Variants in SETBP1 observed in about 807,000 individuals in gnomAD.
SETBP1 encodes SET binding protein 1.
A neutral mutation model predicts 101.0 loss-of-function variants in SETBP1; 9 were observed. The observed-to-expected ratio is 0.09, with a 90% CI of 0.05 to 0.16. SETBP1 has a LOEUF of 0.16. SETBP1 is among the 10% of genes least tolerant of loss of function. The pLI, the probability that SETBP1 is intolerant of heterozygous loss-of-function variation, is 1.00. For missense variants in SETBP1, 1,858 were observed against 2,033.8 expected, an observed-to-expected ratio of 0.91 and a Z score of 1.66; for synonymous variants, 818 against 788.5, an observed-to-expected ratio of 1.04 and a Z score of -0.63.
intron 3 of SETBP1, among the ~76,000 whole-genome samples, chr18:44,948,621 TTC>T (rs1486698828): frequency 6.6e-6 from 1 of 152,220 alleles, no homozygotes; most frequent in Non-Finnish European, 1.5e-5. Flanking sequence ...TACTAATATT[TTC>T]TCTGTTTAAC....
intron 3 of SETBP1, among the ~76,000 whole-genome samples, chr18:44,925,087 C>A (rs1456953153): frequency 1.5e-5 from 2 of 129,180 alleles, no homozygotes; most frequent in Admixed American, 8.6e-5. Context: ...GGGAAAGTTG[C>A]TACAGTTCTG....
chr18:44,864,762 C>T (rs1487319731), intron 2 of SETBP1, among the ~76,000 whole-genome samples: 1 of 152,116 alleles, frequency 6.6e-6, no homozygotes, highest in Non-Finnish European at 1.5e-5. Flanking sequence ...AGACAGGATC[C>T]TTTTCATTAA....
Position 44,951,175 on chromosome 18 carries a change from C to T in SETBP1, c.1835C>T (p.Pro612Leu), listed in dbSNP as rs1481618400. Residue 612 changes from proline (P) to leucine (L), a missense_variant, in exon 4 of 6, where the codon CCC becomes CTC. By Grantham distance (98) the Pro-to-Leu change is moderately conservative. Transcript: ENST00000649279. The surrounding 1 kb of genome is among the most constrained non-coding windows in gnomAD (Gnocchi z 7.8). ...GGAACTTCCACCAGCCCCGTCAGTC[C>T]CATCAGCCGAGAGTTTCCTGGCACT... is the stretch of plus-strand genomic sequence containing the variant. ...HEGTSTSPVS[P>L]ISREFPGTKK... The T allele has an allele frequency of 1.9e-6, 3 of 1,614,006 alleles. No individual in the cohort carries two copies. Among genetic ancestry groups the T allele is most frequent in the East Asian group, 4.5e-5 (2 of 44,890 alleles).
chr18:45,008,391 G>C (rs1568024926), intron 4 of SETBP1, among the ~76,000 whole-genome samples: 1 of 152,184 alleles, frequency 6.6e-6, no homozygotes, highest in Non-Finnish European at 1.5e-5. Context: ...CCTGAGATTT[G>C]TGTCTCTTCT....
chr18:44,787,885 A>AAAAAAAAAAAT (rs2071277906), intron 2 of SETBP1, among the ~76,000 whole-genome samples: 1 of 133,588 alleles, frequency 7.5e-6, no homozygotes, highest in Non-Finnish European at 1.6e-5. Flanking sequence ...AAAAAAGAAA[A>AAAAAAAAAAAT]TTGTTCTCTA....
intron 5 of SETBP1, among the ~76,000 whole-genome samples, chr18:45,039,946 G>T (rs2073476375): frequency 6.6e-6 from 1 of 152,194 alleles, no homozygotes. Context: ...GGAAAAGTAG[G>T]TGTAGGAAAA....
chr18:45,050,283 C>T (rs912385520), intron 5 of SETBP1, among the ~76,000 whole-genome samples: 6 of 152,300 alleles, frequency 3.9e-5, no homozygotes, highest in African/African-American at 9.6e-5. Context: ...AAAAATAGTC[C>T]GTGAGTTTGT....
At chr18:44,915,508 A>G (rs1216760049) in intron 3 of SETBP1, among the ~76,000 whole-genome samples, 2 of 152,238 alleles carry the variant, frequency 1.3e-5, no homozygotes, top group Non-Finnish European at 2.9e-5. Flanking sequence ...AGCACTGTTT[A>G]GAAGAAAAAA....
intron 2 of SETBP1, among the ~76,000 whole-genome samples, chr18:44,800,889 C>T (rs1451122663): frequency 6.6e-6 from 1 of 152,178 alleles, no homozygotes; most frequent in Non-Finnish European, 1.5e-5. Context: ...CCCAAATGTC[C>T]ATCAATGATA....
intron 3 of SETBP1, among the ~76,000 whole-genome samples, chr18:44,894,451 T>C (rs543611698): frequency 6.6e-6 from 1 of 152,152 alleles, no homozygotes; most frequent in South Asian, 2.1e-4. Context: ...GGTAGTAATA[T>C]TGGGCTTGTT....
rs954964719 is a variant in SETBP1 at position 44,771,482 on chromosome 18, G to T, written c.486+69650G>T. Among the ~76,000 whole-genome samples, 4 of 151,866 alleles carry T rather than the reference G, an allele frequency of 2.6e-5. No homozygotes were observed. The East Asian group carries it at 7.7e-4, about 29-fold the overall frequency. On this transcript the variant is annotated intron_variant, in intron 2 of 5. Coordinates refer to ENST00000649279, the MANE Select transcript of SETBP1 (RefSeq NM_015559.3). The stretch of plus-strand genomic sequence containing the variant: ...GCTCATCCAAAAGACCCTGCAAAGG[G>T]GCCAGGCCCAGACCATCCATCCAGT...
At chr18:45,032,564 T>C (rs987100499) in intron 4 of SETBP1, among the ~76,000 whole-genome samples, 1 of 152,174 alleles carries the variant, frequency 6.6e-6, no homozygotes, top group Non-Finnish European at 1.5e-5. Context: ...TTATTTGACA[T>C]AAAACTAATG....
Position 45,016,766 on chromosome 18 carries a change from C to G in SETBP1, c.4001-21719C>G, listed in dbSNP as rs531587446. On this transcript the variant is annotated intron_variant, in intron 4 of 5. Coordinates refer to ENST00000649279, the MANE Select transcript of SETBP1 (RefSeq NM_015559.3). ...ACACACACACACACACACACACACA[C>G]AGAGAGCTCTCACTCCACCCCCACC... 2.8e-3 allele frequency among the ~76,000 whole-genome samples: 374 copies of G among 134,772 alleles called. 6 individuals are homozygous for G. The highest frequency in any genetic ancestry group is 8.5e-3 in the East Asian group (34 of 3,998). 88.4% of individuals were successfully genotyped at this position (134,772 alleles called of 152,430 possible).
chr18:44,692,169 C>G (rs1235281343), intron 1 of SETBP1, among the ~76,000 whole-genome samples: 53 of 152,206 alleles, frequency 3.5e-4, no homozygotes, highest in Admixed American at 3.4e-3. Flanking sequence ...GAGGGTGGCA[C>G]TTAGTCAAAT....
intron 3 of SETBP1, among the ~76,000 whole-genome samples, chr18:44,937,210 T>A (rs113500113): frequency 6.6e-6 from 1 of 151,882 alleles, no homozygotes; most frequent in Non-Finnish European, 1.5e-5. Flanking sequence ...CCCAGCACTT[T>A]GGGAGGCCGA....
Position 45,063,857 on chromosome 18 carries a change from CA to C in SETBP1, c.*160del. ...CGGCCAGACGACGGGGCTGAGCCAT[CA>C]GGAGCTCTTGGGAAAGCAAAGCAGG... On this transcript the variant is annotated 3_prime_UTR_variant, in exon 6 of 6. Coordinates refer to ENST00000649279, the MANE Select transcript of SETBP1 (RefSeq NM_015559.3). The C allele has an allele frequency of 1.3e-6, 1 of 751,682 alleles. No individual in the cohort carries two copies. The highest frequency in any genetic ancestry group is 2.1e-6 in the Non-Finnish European group (1 of 473,032). The allele number at this position is 751,682 out of a possible 1,614,324, so 46.6% of individuals were successfully genotyped here. A position where few individuals can be genotyped will look rare whatever the true frequency, so the allele number is the denominator to read the frequency against.
At chr18:44,786,887 AGCTGTCGT>A (rs1297410863) in intron 2 of SETBP1, among the ~76,000 whole-genome samples, 3 of 152,322 alleles carry the variant, frequency 2.0e-5, no homozygotes, top group Admixed American at 2.0e-4. Context: ...CGTCTCCATC[AGCTGTCGT>A]GCTGAGGTTG....
intron 2 of SETBP1, among the ~76,000 whole-genome samples, chr18:44,737,835 T>G (rs2070004843): frequency 6.6e-6 from 1 of 152,170 alleles, no homozygotes; most frequent in African/African-American, 2.4e-5. Context: ...TTCAGCTGAT[T>G]TGGAATCCCA....
intron 3 of SETBP1, among the ~76,000 whole-genome samples, chr18:44,901,896 A>T (rs2070054500): frequency 6.6e-6 from 1 of 152,210 alleles, no homozygotes; most frequent in South Asian, 2.1e-4. Context: ...CCACCAGTAT[A>T]TATTTTAACA....
Sources: gnomAD v4.1 joint callset for allele counts (sites outside exome capture counted in the v4.1 genomes callset) on GRCh38, gnomAD v4.1.1 for gene constraint, Gnocchi (gnomAD v3.1) non-coding constraint, MANE v1.5 for transcripts, NCBI Gene and HGNC (gene_info 2026-07-23, HGNC 2026-07-21) for gene names.